SLFN12: variants seen among roughly 807,000 people sequenced by gnomAD.
SLFN12 encodes the protein schlafen family member 12.
SLFN12 carries 25 observed loss-of-function variants against 29.1 expected under a neutral mutation model. That is an observed-to-expected ratio of 0.86 (90% CI 0.63 to 1.20). The LOEUF (loss-of-function observed/expected upper bound fraction) is 1.20. Among genes scored for constraint, SLFN12 ranks in the 50% most tolerant of loss-of-function variants. The pLI is 0.00. For synonymous variants in SLFN12, 257 were observed against 238.7 expected, an observed-to-expected ratio of 1.08 and a Z score of -0.71; for missense variants, 660 against 666.2, an observed-to-expected ratio of 0.99 and a Z score of 0.10.
intron 1 of SLFN12, among the ~76,000 whole-genome samples, chr17:35,426,401 T>C (rs1373663228): frequency 6.6e-6 from 1 of 152,134 alleles, no homozygotes; most frequent in Non-Finnish European, 1.5e-5. Flanking sequence ...TTTTCATATA[T>C]TTTCTTCTAG....
intron 3 of SLFN12, among the ~76,000 whole-genome samples, chr17:35,414,578 T>A (rs35121640): frequency 0.093 from 14,192 of 152,026 alleles, 2,097 homozygotes; most frequent in African/African-American, 0.31. Flanking sequence ...AAAATTCCCA[T>A]GTCATTTTTC....
At position 35,422,457 on chromosome 17, in the gene SLFN12, T is replaced by C. The variant is rs1331355601; in HGVS notation, c.572A>G (p.Asp191Gly). ...AGTAAAGGTCAATTTTTCTTTCCGA[T>C]CAAGTTCTGTTCTATCAAAAAAAAC... ...AGVFFDRTELDRKEKLTFTES... is the reference protein window; with the variant it reads ...AGVFFDRTELGRKEKLTFTES... Residue 191 changes from aspartate to glycine, a missense_variant, in exon 2 of 4, where the codon GAT (aspartate) becomes GGT (glycine). By Grantham distance (94) the Asp-to-Gly change is moderately conservative. Transcript: ENST00000304905. The C allele has an allele frequency of 6.2e-7, 1 of 1,612,572 alleles. No individual in the cohort carries two copies. The highest frequency in any genetic ancestry group is 1.3e-5 in the African/African-American group (1 of 74,764).
chr17:35,425,071 T>A (rs183003352), intron 1 of SLFN12, among the ~76,000 whole-genome samples: 2 of 152,106 alleles, frequency 1.3e-5, no homozygotes, highest in East Asian at 3.9e-4. Context: ...GAGGATCACT[T>A]GAAGCCAAGA....
chr17:35,422,086 A>T lies in SLFN12; in HGVS notation c.943T>A (p.Phe315Ile), dbSNP rs1299716574. 4 of 1,614,114 alleles carry T rather than the reference A, an allele frequency of 2.5e-6. No individual in the cohort carries two copies. In the East Asian group the frequency reaches 8.9e-5, roughly 36 times the overall value. The change falls in exon 2 of 4, where the codon TTT (phenylalanine) becomes ATT (isoleucine). Residue 315 changes from phenylalanine to isoleucine, a missense_variant. Phe to Ile is a conservative substitution (Grantham distance 21). Coordinates refer to ENST00000304905, the MANE Select transcript of SLFN12 (RefSeq NM_018042.5). ...LRVERFCCAV[F>I]AKEPDSWHVK... Reference sequence around the variant, plus strand: ...TGCCAGGAATCAGGCTCTTTAGCAAACACTGCACAGCAGAAGCGCTCCACT... The same window carrying T: ...TGCCAGGAATCAGGCTCTTTAGCAATCACTGCACAGCAGAAGCGCTCCACT...
chr17:35,418,220 G>C (rs1187296670), intron 3 of SLFN12, among the ~76,000 whole-genome samples: 1 of 152,026 alleles, frequency 6.6e-6, no homozygotes, highest in African/African-American at 2.4e-5. Context: ...ACAGTGGCAG[G>C]GACAGACAAT....
intron 1 of SLFN12, among the ~76,000 whole-genome samples, chr17:35,426,682 A>T (rs1423913445): frequency 6.6e-6 from 1 of 152,118 alleles, no homozygotes; most frequent in Non-Finnish European, 1.5e-5. Context: ...AAAAACAGCG[A>T]TCTCTCACAG....
intron 3 of SLFN12, among the ~76,000 whole-genome samples, chr17:35,418,331 C>T (rs922566788): frequency 1.3e-5 from 2 of 152,126 alleles, no homozygotes; most frequent in Admixed American, 6.5e-5. Flanking sequence ...GGTCCACTTA[C>T]GCCAAGATCT....
intron 1 of SLFN12, among the ~76,000 whole-genome samples, chr17:35,425,145 G>T (rs997029831): frequency 1.3e-5 from 2 of 151,826 alleles, no homozygotes; most frequent in African/African-American, 4.8e-5. Flanking sequence ...AATAAAATAA[G>T]AATTGGCTTG....
At position 35,422,471 on chromosome 17, in the gene SLFN12, A is replaced by G; in HGVS notation, c.558T>C (p.Asp186=). The part of the protein sequence containing the change: ...NMKALAGVFF[D]RTELDRKEKL... ...TTTCTTTCCGATCAAGTTCTGTTCT[A>G]TCAAAAAAAACCCCGGCCAAGGCCT... Residue 186 remains aspartate, a synonymous_variant, in exon 2 of 4, where the codon GAT becomes GAC. Coordinates refer to ENST00000304905, the MANE Select transcript of SLFN12 (RefSeq NM_018042.5). 6.2e-7 allele frequency: 1 copy of G among 1,612,266 alleles called. No homozygotes were observed. The highest frequency in any genetic ancestry group is 8.5e-7 in the Non-Finnish European group (1 of 1,179,578).
At chr17:35,425,374 C>A (rs906275397) in intron 1 of SLFN12, among the ~76,000 whole-genome samples, 2 of 152,036 alleles carry the variant, frequency 1.3e-5, no homozygotes, top group Non-Finnish European at 2.9e-5. Context: ...AGCTCTTGAA[C>A]TTATTCCTCC....
At chr17:35,416,217 G>T (rs565337157) in intron 3 of SLFN12, among the ~76,000 whole-genome samples, 6 of 152,222 alleles carry the variant, frequency 3.9e-5, no homozygotes, top group African/African-American at 1.4e-4. Flanking sequence ...CCTGAATGGG[G>T]TGGGAACCAT....
At chr17:35,411,959 A>C (rs780457162) in intron 3 of SLFN12, 32 bp from the exon 4 acceptor site, 2 of 1,456,140 alleles carry the variant, frequency 1.4e-6, no homozygotes, top group East Asian at 4.6e-5. Context: ...ATAAATTATA[A>C]AACACTAGGA....
In SLFN12 at chr17:35,423,826, CT is replaced by C. The variant is rs568404823; in HGVS notation, c.-40-759del. Among the ~76,000 whole-genome samples the C allele has an allele frequency of 3.2e-3, 484 of 152,222 alleles. 1 individual carries two copies. Among genetic ancestry groups the C allele is most frequent in the African/African-American group, 0.011 (461 of 41,540 alleles). ...GAAGCCCTCATGAATGAGATTAGTA[CT>C]CTCCTAAAAGGGACCCCGGAACACT... On this transcript the variant is annotated intron_variant, in intron 1 of 3. Coordinates refer to ENST00000304905, the MANE Select transcript of SLFN12 (RefSeq NM_018042.5).
chr17:35,422,840 A>T lies in SLFN12; in HGVS notation c.189T>A (p.Ile63=). The change falls in exon 2 of 4, where the codon ATT becomes ATA. Residue 63 remains isoleucine, a synonymous_variant. Transcript: ENST00000304905. ...TTGTATAACTATAGTCTTCATTCTC[A>T]ATTTCAGCCTTGATCACTCCCCCTC... The part of the protein sequence containing the change: ...NSGGGVIKAE[I]ENEDYSYTKD... The T allele has an allele frequency of 6.2e-7, 1 of 1,613,896 alleles. No homozygotes were observed. Among genetic ancestry groups the T allele is most frequent in the Non-Finnish European group, 8.5e-7 (1 of 1,179,938 alleles).
intron 3 of SLFN12, among the ~76,000 whole-genome samples, chr17:35,413,586 A>G (rs868456661): frequency 2.6e-5 from 4 of 151,964 alleles, no homozygotes; most frequent in South Asian, 4.2e-4. Context: ...CGTCTCTACT[A>G]AAAATACAGA....
rs764885254 is a variant in SLFN12, at chr17:35,411,888, C to T, written c.1187G>A (p.Cys396Tyr). Residue 396 changes from cysteine (C) to tyrosine (Y), a missense_variant, in exon 4 of 4, where the codon TGC becomes TAC. Physicochemically the swap from Cys to Tyr is radical, Grantham distance 194 (BLOSUM62 -2). Transcript: ENST00000304905. The stretch of plus-strand genomic sequence containing the variant: ...TTCATGTTGTAAGAACAGTTTTCTG[C>T]AAAGGTTTTCTGGAGTATACGTTAT... ...GRITYTPENL[C>Y]RKLFLQHEGL... The T allele has an allele frequency of 2.5e-6, 4 of 1,612,412 alleles. No homozygotes were observed. In the East Asian group the frequency reaches 6.7e-5, roughly 27 times the overall value.
At chr17:35,415,821 C>G (rs1178192443) in intron 3 of SLFN12, among the ~76,000 whole-genome samples, 1 of 152,108 alleles carries the variant, frequency 6.6e-6, no homozygotes, top group Admixed American at 6.5e-5. Flanking sequence ...CATCTTACAC[C>G]TGCAAGAATG....
chr17:35,423,902 C>T (rs538515201), intron 1 of SLFN12, among the ~76,000 whole-genome samples: 3 of 152,226 alleles, frequency 2.0e-5, no homozygotes, highest in East Asian at 1.9e-4. Context: ...AGGCAGTCTG[C>T]GACAGGAAAA....
Position 35,421,534 on chromosome 17 carries a change from C to CTTTTT in SLFN12, c.1039+451_1039+455dup, listed in dbSNP as rs770181686. Reference sequence around the variant, plus strand: ...ATAGAAGAAAACAAGAGGCAGGGAACTTTTTTTTTTTTTTTTTTTTTTTGA... The same window carrying CTTTTT: ...ATAGAAGAAAACAAGAGGCAGGGAACTTTTTTTTTTTTTTTTTTTTTTTTTTTTGA... On this transcript the variant is annotated intron_variant, in intron 2 of 3. Coordinates refer to ENST00000304905, the MANE Select transcript of SLFN12 (RefSeq NM_018042.5). Among the ~76,000 whole-genome samples, 22 of 104,282 alleles carry CTTTTT rather than the reference C, an allele frequency of 2.1e-4. 1 individual carries two copies. Among genetic ancestry groups the CTTTTT allele is most frequent in the African/African-American group, 6.4e-4 (16 of 24,912 alleles). 68.4% of individuals were successfully genotyped at this position (104,282 alleles called of 152,430 possible). A position where few individuals can be genotyped will look rare whatever the true frequency, so the allele number is the denominator to read the frequency against.
Sources: gnomAD v4.1 joint callset for allele counts (sites outside exome capture counted in the v4.1 genomes callset) on GRCh38, gnomAD v4.1.1 for gene constraint, MANE v1.5 for transcripts, NCBI Gene and HGNC (gene_info 2026-07-23, HGNC 2026-07-21) for gene names.